The following GOLGA6C variants were observed in gnomAD, a reference collection of about 807,000 sequenced individuals.
The protein encoded by GOLGA6C is golgin subfamily A member 6C.
GOLGA6C carries 3 observed loss-of-function variants against 57.5 expected under a neutral mutation model. That is an observed-to-expected ratio of 0.05 (90% CI 0.02 to 0.13). GOLGA6C has a LOEUF of 0.13. GOLGA6C is among the 10% of genes least tolerant of loss of function. The pLI, the probability that GOLGA6C is intolerant of heterozygous loss-of-function variation, is 1.00. For missense variants in GOLGA6C, 88 were observed against 525.6 expected, an observed-to-expected ratio of 0.17 and a Z score of 8.14; for synonymous variants, 32 against 203.8, an observed-to-expected ratio of 0.16 and a Z score of 7.18.
At position 75,264,438 on chromosome 15, in the gene GOLGA6C, G is replaced by GT. The variant is rs1364438588; in HGVS notation, c.564+355_564+356insT. ...TACCATTTCTGTAGAGAGAGGAAAG[G>GT]GGTGTGTGTGTGTGTGTGTGTGTGT... On this transcript the variant is annotated intron_variant, in intron 7 of 17. Transcript: ENST00000300576. 2.7e-4 allele frequency among the ~76,000 whole-genome samples: 29 copies of GT among 108,426 alleles called. 1 individual carries two copies. Among genetic ancestry groups the GT allele is most frequent in the Non-Finnish European group, 4.2e-4 (23 of 54,558 alleles). The allele number at this position is 108,426 out of a possible 152,430, so 71.1% of individuals were successfully genotyped here.
Position 75,263,865 on chromosome 15 carries a change from GC to G in GOLGA6C, c.445del (p.Arg149AspfsTer57), listed in dbSNP as rs2070743332. On this transcript the variant is annotated frameshift_variant, in exon 6 of 18. Transcript: ENST00000300576. LOFTEE classifies it high-confidence loss of function. ...CACCCTTTACCATACTAAACGTGCTGCCCGACACTTCGAAGGTGGGAATCTG... is the reference window on the plus strand; with the variant it reads ...CACCCTTTACCATACTAAACGTGCTGCCGACACTTCGAAGGTGGGAATCTG... ...KTTLYHTKRA[A>X]RHFEEESKDL... The G allele has an allele frequency of 1.9e-6, 2 of 1,027,184 alleles. No homozygotes were observed. Among genetic ancestry groups the G allele is most frequent in the Non-Finnish European group, 2.8e-6 (2 of 703,816 alleles). 63.6% of individuals were successfully genotyped at this position (1,027,184 alleles called of 1,614,324 possible). A position where few individuals can be genotyped will look rare whatever the true frequency, so the allele number is the denominator to read the frequency against.
intron 1 of GOLGA6C, among the ~76,000 whole-genome samples, 197 bp downstream of exon 1, chr15:75,258,879 C>T (rs1029065037): frequency 3.2e-4 from 48 of 151,180 alleles, no homozygotes; most frequent in Admixed American, 5.9e-4. Flanking sequence ...CCTCTGCCCT[C>T]GCCAATCACC....
chr15:75,261,693 CTTGA>C (rs1433956903), intron 2 of GOLGA6C, among the ~76,000 whole-genome samples: 1 of 42,010 alleles, frequency 2.4e-5, no homozygotes, highest in Admixed American at 2.3e-4. Flanking sequence ...TCTTCACCTG[CTTGA>C]TTGATTGGGT....
chr15:75,272,740 A>C lies in GOLGA6C; in HGVS notation c.*2541A>C, dbSNP rs2070794270. ...ATATATTTAAGAAAAATTAAATAGC[A>C]TGTAAATCATATAACAATAACTTAA... On this transcript the variant is annotated 3_prime_UTR_variant, in exon 18 of 18. Coordinates refer to ENST00000300576, the MANE Select transcript of GOLGA6C (RefSeq NM_001164404.2). Among the ~76,000 whole-genome samples, 1 of 151,060 alleles carries C rather than the reference A, an allele frequency of 6.6e-6. No homozygotes were observed. The highest frequency in any genetic ancestry group is 6.6e-5 in the Admixed American group (1 of 15,252).
chr15:75,264,826 G>A (rs1203899328), intron 7 of GOLGA6C, among the ~76,000 whole-genome samples: 3 of 138,196 alleles, frequency 2.2e-5, no homozygotes, highest in Non-Finnish European at 4.6e-5. Context: ...GGATTAAATG[G>A]GATTGCTAGC....
rs1266321834 is a variant in GOLGA6C at position 75,273,249 on chromosome 15, G to T, written c.*3050G>T. ...ACTGTAGTTTGAAAGAAAGAAACTG[G>T]GGGAAGGAAAAGTAGAGAAAGAAAT... On this transcript the variant is annotated 3_prime_UTR_variant, in exon 18 of 18. Transcript: ENST00000300576. Among the ~76,000 whole-genome samples the T allele has an allele frequency of 6.6e-6, 1 of 152,020 alleles. No individual in the cohort carries two copies. Among genetic ancestry groups the T allele is most frequent in the Admixed American group, 6.6e-5 (1 of 15,236 alleles).
intron 14 of GOLGA6C, among the ~76,000 whole-genome samples, 172 bp from the exon 15 acceptor site, chr15:75,269,281 G>T (rs1156535235): frequency 1.4e-5 from 2 of 145,274 alleles, no homozygotes; most frequent in Non-Finnish European, 3.0e-5. Flanking sequence ...AGAGGCAGAG[G>T]CCCCAGCCCC....
At chr15:75,258,844 C>T (rs554202586) in intron 1 of GOLGA6C, among the ~76,000 whole-genome samples, 162 bp downstream of exon 1, 1 of 151,546 alleles carries the variant, frequency 6.6e-6, no homozygotes, top group East Asian at 1.9e-4. Flanking sequence ...GTCAGTCAGC[C>T]CCGCCCCTTC....
intron 14 of GOLGA6C, among the ~76,000 whole-genome samples, 159 bp downstream of exon 14, chr15:75,269,047 A>G (rs1243430475): frequency 7.4e-3 from 810 of 109,196 alleles, no homozygotes; most frequent in African/African-American, 0.016. Context: ...CAACAGGTGC[A>G]CTCTCTGAGG....
At position 75,273,369 on chromosome 15, in the gene GOLGA6C, C is replaced by T; in HGVS notation, c.*3170C>T. The stretch of plus-strand genomic sequence containing the variant: ...GTAAACAGAATGTATAATAGAAATA[C>T]TGAAACACTGTTGCCTAAAGTGGCA... On this transcript the variant is annotated 3_prime_UTR_variant, in exon 18 of 18. Coordinates refer to ENST00000300576, the MANE Select transcript of GOLGA6C (RefSeq NM_001164404.2). 6.6e-6 allele frequency among the ~76,000 whole-genome samples: 1 copy of T among 152,024 alleles called. No individual in the cohort carries two copies. Among genetic ancestry groups the T allele is most frequent in the Non-Finnish European group, 1.5e-5 (1 of 68,052 alleles).
At chr15:75,264,972 A>C in intron 7 of GOLGA6C, 150 bp from the exon 8 acceptor site, 1 of 885,762 alleles carries the variant, frequency 1.1e-6, no homozygotes, top group Non-Finnish European at 1.7e-6. Flanking sequence ...CTCCCTTCCA[A>C]CTTTACTGAG....
intron 2 of GOLGA6C, among the ~76,000 whole-genome samples, chr15:75,261,111 G>GT (rs1309600280): frequency 4.1e-4 from 9 of 21,988 alleles, no homozygotes; most frequent in East Asian, 2.1e-3. Context: ...TCAGGAGTCT[G>GT]TTTTTTTTTA....
chr15:75,269,262 G>C (rs2070772175), intron 14 of GOLGA6C, among the ~76,000 whole-genome samples, 191 bp from the exon 15 acceptor site: 3 of 146,308 alleles, frequency 2.1e-5, no homozygotes, highest in Non-Finnish European at 3.0e-5. Context: ...CCTTGGCCTG[G>C]AAGGAGCCAG....
rs1227990339 is a variant in GOLGA6C, at chr15:75,269,820, C to T, written c.1801-12C>T. 1 of 1,118,836 alleles carries T rather than the reference C, an allele frequency of 8.9e-7. No individual in the cohort carries two copies. Among genetic ancestry groups the T allele is most frequent in the Admixed American group, 3.0e-5 (1 of 33,362 alleles). 69.3% of individuals were successfully genotyped at this position (1,118,836 alleles called of 1,614,324 possible). Reference sequence around the variant, plus strand: ...AGGCTCCAGGGTGGGAGCTGAGCACCCCTCCCTTCAGGTGAAGCTGCTGGA... The same window carrying T: ...AGGCTCCAGGGTGGGAGCTGAGCACTCCTCCCTTCAGGTGAAGCTGCTGGA... On this transcript the variant is annotated splice_polypyrimidine_tract_variant and intron_variant, in intron 16 of 17. Transcript: ENST00000300576.
chr15:75,269,337 C>T, intron 14 of GOLGA6C, 116 bp from the exon 15 acceptor site: 2 of 583,980 alleles, frequency 3.4e-6, no homozygotes, highest in Non-Finnish European at 6.2e-6. Context: ...GCTACCGGGC[C>T]CTGAAGGAGG....
In GOLGA6C at chr15:75,273,252, G is replaced by A. The variant is rs1483559497; in HGVS notation, c.*3053G>A. On this transcript the variant is annotated 3_prime_UTR_variant, in exon 18 of 18. Transcript: ENST00000300576. ...GTAGTTTGAAAGAAAGAAACTGGGGGAAGGAAAAGTAGAGAAAGAAATGCC... is the reference window on the plus strand; with the variant it reads ...GTAGTTTGAAAGAAAGAAACTGGGGAAAGGAAAAGTAGAGAAAGAAATGCC... Among the ~76,000 whole-genome samples the A allele has an allele frequency of 1.3e-5, 2 of 151,994 alleles. No individual in the cohort carries two copies. The highest frequency in any genetic ancestry group is 4.8e-5 in the African/African-American group (2 of 41,286).
Position 75,266,219 on chromosome 15 carries a change from AG to A in GOLGA6C, c.964del (p.Val322TrpfsTer7). On this transcript the variant is annotated frameshift_variant, in exon 11 of 18. Coordinates refer to ENST00000300576, the MANE Select transcript of GOLGA6C (RefSeq NM_001164404.2). LOFTEE classifies it high-confidence loss of function. The stretch of plus-strand genomic sequence containing the variant: ...GGTCTGGAGGGAAAGCTCCAGTCCC[AG>A]GTGGAAAACAATCAGGCCTTGAGTC... ...VEGLEGKLQS[Q>X]VENNQALSLL... The A allele has an allele frequency of 9.0e-7, 1 of 1,117,282 alleles. No individual in the cohort carries two copies. The highest frequency in any genetic ancestry group is 3.1e-5 in the Admixed American group (1 of 31,812). The allele number at this position is 1,117,282 out of a possible 1,614,324, so 69.2% of individuals were successfully genotyped here. A position where few individuals can be genotyped will look rare whatever the true frequency, so the allele number is the denominator to read the frequency against.
intron 1 of GOLGA6C, among the ~76,000 whole-genome samples, chr15:75,259,331 C>T (rs2070724610): frequency 1.6e-5 from 2 of 124,590 alleles, no homozygotes; most frequent in African/African-American, 7.9e-5. Context: ...ACCCAGTCCC[C>T]TAAGCATTCT....
intron 14 of GOLGA6C, among the ~76,000 whole-genome samples, chr15:75,269,096 T>G (rs2070770984): frequency 7.6e-6 from 1 of 131,646 alleles, no homozygotes; most frequent in Non-Finnish European, 1.6e-5. Context: ...CCCTGCCTCA[T>G]TTGTTCTGTC....
Sources: allele counts gnomAD v4.1 joint callset (sites outside exome capture counted in the v4.1 genomes callset), GRCh38; gene constraint gnomAD v4.1.1; transcripts MANE v1.5; gene names NCBI Gene and HGNC (gene_info 2026-07-23, HGNC 2026-07-21).